UBXN11: variants seen among roughly 807,000 people sequenced by gnomAD.
UBXN11 encodes UBX domain protein 11.
A neutral mutation model predicts 62.8 loss-of-function variants in UBXN11; 47 were observed. The ratio of observed to expected loss-of-function variants is 0.75; its 90% CI spans 0.59 to 0.95. The LOEUF (loss-of-function observed/expected upper bound fraction) is 0.95. Among genes scored for constraint, UBXN11 ranks in the 40% least tolerant of loss-of-function variants. UBXN11 has a pLI of 0.00. For missense variants in UBXN11, 638 were observed against 661.7 expected (o/e 0.96, Z 0.39); for synonymous variants, 294 against 267.0 (o/e 1.10, Z -0.99).
Position 26,294,167 on chromosome 1 carries a change from C to A in UBXN11, c.559+38G>T, listed in dbSNP as rs751964969. ...GCCAACAGCAAACTGTTGGAGAATTCCTTTTGAAGAGGGCCTGGGGCAGAC... is the reference window on the plus strand; with the variant it reads ...GCCAACAGCAAACTGTTGGAGAATTACTTTTGAAGAGGGCCTGGGGCAGAC... On this transcript the variant is annotated intron_variant, in intron 8 of 14. Transcript: ENST00000374222. The A allele has an allele frequency of 3.1e-6, 5 of 1,610,026 alleles. No individual in the cohort carries two copies. The African/African-American group carries it at 6.7e-5, about 22-fold the overall frequency.
chr1:26,302,639 T>A lies in UBXN11; in HGVS notation c.71+174A>T, dbSNP rs1266875557. Among the ~76,000 whole-genome samples, 3 of 152,076 alleles carry A rather than the reference T, an allele frequency of 2.0e-5. No homozygotes were observed. In the East Asian group the frequency reaches 5.8e-4, roughly 29 times the overall value. On this transcript the variant is annotated intron_variant, in intron 2 of 14. Coordinates refer to ENST00000374222, the MANE Select transcript of UBXN11 (RefSeq NM_001389556.1). ...AAGCACAACCCAGTTTATGCTCAGA[T>A]CCAAAGTTGGGTGCCCCAGAAGAAG...
rs200278768 is a variant in UBXN11, at chr1:26,284,442, A to G, written c.893T>C (p.Leu298Pro). The G allele has an allele frequency of 1.7e-5, 28 of 1,613,752 alleles. No homozygotes were observed. In the African/African-American group the frequency reaches 2.5e-4, roughly 15 times the overall value. ...ACGGCCCTCGCCTGGGAAGGGGTCC[A>G]GTCCATCCTCCAGGTAGACCTGATT... Reference protein sequence around the residue: ...LRNQVYLEDGLDPFPGEGRVV... With the variant: ...LRNQVYLEDGPDPFPGEGRVV... The change falls in exon 11 of 15, where the codon CTG becomes CCG. Residue 298 changes from leucine (L) to proline (P), a missense_variant. Leu to Pro is a moderately conservative substitution (Grantham distance 98). Coordinates refer to ENST00000374222, the MANE Select transcript of UBXN11 (RefSeq NM_001389556.1).
chr1:26,291,325 G>A (rs549236152), intron 8 of UBXN11, among the ~76,000 whole-genome samples: 5 of 152,306 alleles, frequency 3.3e-5, no homozygotes, highest in East Asian at 1.9e-4. Context: ...AGCTGCTAGC[G>A]ACGAAAAACG....
At position 26,284,820 on chromosome 1, in the gene UBXN11, C is replaced by T. The variant is rs141804248; in HGVS notation, c.853-338G>A. 3,095 of 1,074,720 alleles carry T rather than the reference C, an allele frequency of 2.9e-3. 5 individuals carry two copies. The highest frequency in any genetic ancestry group is 6.2e-3 in the Middle Eastern group (15 of 2,404). The allele number at this position is 1,074,720 out of a possible 1,614,324, so 66.6% of individuals were successfully genotyped here. The stretch of plus-strand genomic sequence containing the variant: ...CTTTTTTCCAGTCTGCAGCACAAAC[C>T]GCATCATCGTACATGTAACCTCACT... On this transcript the variant is annotated intron_variant, in intron 10 of 14. Coordinates refer to ENST00000374222, the MANE Select transcript of UBXN11 (RefSeq NM_001389556.1).
chr1:26,312,168 T>C lies in UBXN11; in HGVS notation c.-148-5464A>G, dbSNP rs375147319. Reference sequence around the variant, plus strand: ...ACAAGTTCAAATGTCCCCTCCCCCATGAAATCATCTCTGGTTCATCCCCAC... The same window carrying C: ...ACAAGTTCAAATGTCCCCTCCCCCACGAAATCATCTCTGGTTCATCCCCAC... On this transcript the variant is annotated intron_variant, in intron 1 of 14. Coordinates refer to the UBXN11 transcript ENST00000374217. 5.9e-4 allele frequency among the ~76,000 whole-genome samples: 90 copies of C among 152,192 alleles called. 3 individuals are homozygous for C. The South Asian group carries it at 0.017, about 28-fold the overall frequency.
intron 3 of UBXN11, among the ~76,000 whole-genome samples, chr1:26,301,265 G>A (rs1490752592): frequency 6.6e-6 from 1 of 152,198 alleles, no homozygotes; most frequent in African/African-American, 2.4e-5. Flanking sequence ...GAGTTGGGGG[G>A]CAGGGATCCA....
At chr1:26,284,730 C>T in intron 10 of UBXN11, 4 of 1,269,964 alleles carry the variant, frequency 3.1e-6, no homozygotes, top group Non-Finnish European at 4.0e-6. Flanking sequence ...TCCTTGGAGA[C>T]CCCCCTCTCA....
At chr1:26,302,732 G>T in intron 2 of UBXN11, 81 bp downstream of exon 2, 2 of 1,459,164 alleles carry the variant, frequency 1.4e-6, no homozygotes, top group East Asian at 4.6e-5. Context: ...AAGACACTAG[G>T]AGTCACTGTC....
chr1:26,284,255 G>A lies in UBXN11; in HGVS notation c.974-10C>T. The A allele has an allele frequency of 1.2e-6, 2 of 1,609,402 alleles. No individual in the cohort carries two copies. The highest frequency in any genetic ancestry group is 1.7e-6 in the Non-Finnish European group (2 of 1,177,522). On this transcript the variant is annotated splice_polypyrimidine_tract_variant and intron_variant, in intron 11 of 14. Transcript: ENST00000374222. ...GCAGTCATCCTGGAGCCTACAGGCA[G>A]AGTTGGGAACCGGGGCCCAGGAAGG... is the stretch of plus-strand genomic sequence containing the variant.
chr1:26,287,247 C>T (rs2073153835), intron 8 of UBXN11, among the ~76,000 whole-genome samples: 1 of 152,094 alleles, frequency 6.6e-6, no homozygotes. Flanking sequence ...TTAGGTTGTG[C>T]AACTATTTCT....
intron 10 of UBXN11, 183 bp downstream of exon 10, chr1:26,285,281 T>A: frequency 1.4e-6 from 2 of 1,381,450 alleles, no homozygotes; most frequent in Non-Finnish European, 1.9e-6. Flanking sequence ...CCTGCTGCTC[T>A]GTTTCGGGCC....
intron 4 of UBXN11, 77 bp from the exon 5 acceptor site, chr1:26,298,139 G>T (rs2073441620): frequency 1.4e-6 from 2 of 1,471,134 alleles, no homozygotes; most frequent in Admixed American, 1.9e-5. Flanking sequence ...GGAGGATAGG[G>T]GTCCCAGGAA....
upstream of UBXN11, among the ~76,000 whole-genome samples, chr1:26,310,900 C>CT (rs1248918797): frequency 1.3e-5 from 2 of 151,838 alleles, no homozygotes; most frequent in Non-Finnish European, 2.9e-5. Context: ...TTGTGAGGGC[C>CT]TTGGAGACCC....
At chr1:26,286,783 T>C (rs368139952) in intron 8 of UBXN11, among the ~76,000 whole-genome samples, 22 of 152,154 alleles carry the variant, frequency 1.4e-4, no homozygotes, top group African/African-American at 4.8e-4. Context: ...CACCGCAACC[T>C]TGCCTCCTGG....
At chr1:26,306,008 T>C (rs1047063407) in intron 1 of UBXN11, among the ~76,000 whole-genome samples, 1 of 152,178 alleles carries the variant, frequency 6.6e-6, no homozygotes, top group Non-Finnish European at 1.5e-5. Flanking sequence ...TTCTCCCAGA[T>C]TACAAGGGCC....
chr1:26,284,307 G>T, intron 11 of UBXN11, 55 bp downstream of exon 11: 6 of 1,612,602 alleles, frequency 3.7e-6, no homozygotes, highest in Non-Finnish European at 5.1e-6. Flanking sequence ...GAGCCCCCCT[G>T]GAGTTTGTTC....
intron 6 of UBXN11, 88 bp downstream of exon 6, chr1:26,297,339 C>G (rs1486272591): frequency 7.1e-7 from 1 of 1,410,468 alleles, no homozygotes; most frequent in Non-Finnish European, 9.4e-7. Flanking sequence ...CTCTTGATGC[C>G]AGAAGCCATT....
intron 5 of UBXN11, among the ~76,000 whole-genome samples, chr1:26,297,756 G>C (rs2073429856): frequency 6.6e-6 from 1 of 152,182 alleles, no homozygotes; most frequent in South Asian, 2.1e-4. Flanking sequence ...ACTGGGTCCT[G>C]CTCAGCTGAG....
At chr1:26,311,693 G>A (rs981920023) in intron 1 of UBXN11, among the ~76,000 whole-genome samples, 7 of 151,454 alleles carry the variant, frequency 4.6e-5, no homozygotes, top group East Asian at 1.9e-4. Context: ...CGCCCGCCTC[G>A]GCCTCCCAGA....
Sources: gnomAD v4.1 joint callset for allele counts (sites outside exome capture counted in the v4.1 genomes callset) on GRCh38, gnomAD v4.1.1 for gene constraint, MANE v1.5 for transcripts, NCBI Gene and HGNC (gene_info 2026-07-23, HGNC 2026-07-21) for gene names.